The following IGF2R variants were observed in gnomAD, a reference collection of about 807,000 sequenced individuals.
IGF2R encodes cation-independent mannose-6-phosphate receptor.
A neutral mutation model predicts 270.6 loss-of-function variants in IGF2R; 91 were observed. The observed-to-expected ratio is 0.34, with a 90% CI of 0.28 to 0.40. The LOEUF is 0.40. Among genes scored for constraint, IGF2R ranks in the 10% least tolerant of loss-of-function variants. The probability of loss-of-function intolerance (pLI) is 1.00; values close to 1 mark genes in which losing one functional copy is unlikely to be tolerated. For synonymous variants in IGF2R, 1,316 were observed against 1,258.9 expected (o/e 1.05, Z -0.96); for missense variants, 2,805 against 3,188.3 (o/e 0.88, Z 2.90).
intron 38 of IGF2R, among the ~76,000 whole-genome samples, 163 bp from the exon 39 acceptor site, chr6:160,079,966 G>A (rs1027800308): frequency 3.9e-5 from 6 of 152,180 alleles, no homozygotes; most frequent in Admixed American, 1.3e-4. Flanking sequence ...TGTGAATCAC[G>A]CTGTGTTCTC....
In IGF2R at chr6:160,073,779, G is replaced by A. The variant is rs532391090; in HGVS notation, c.4970G>A (p.Gly1657Glu). 97 of 1,614,124 alleles carry A rather than the reference G, an allele frequency of 6.0e-5. No homozygotes were observed. The South Asian group carries it at 1.0e-3, about 17-fold the overall frequency. Residue 1657 changes from glycine to glutamate, a missense_variant, in exon 35 of 48, where the codon GGA becomes GAA. Gly to Glu is a moderately conservative substitution (Grantham distance 98, BLOSUM62 -2). This residue lies in a region of IGF2R where 1,851 missense variants were observed against 2,207.2 expected (regional missense o/e 0.84). Coordinates refer to ENST00000356956, the MANE Select transcript of IGF2R (RefSeq NM_000876.4). ...EQATECSVRN[G>E]SSIVDLSPLI... ...CAGACCGAATGTTCCGTGAGGAATG[G>A]AAGCTCTATTGTTGACTTGTCTCCC...
rs1779582389 is a variant in IGF2R at position 160,104,999 on chromosome 6, C to G, written c.7391C>G (p.Ser2464Cys). The G allele has an allele frequency of 6.2e-7, 1 of 1,613,778 alleles. No individual in the cohort carries two copies. The highest frequency in any genetic ancestry group is 1.7e-5 in the Admixed American group (1 of 59,994). Reference protein sequence around the residue: ...VRGEKARKGKSSSAQQKTVSS... With the variant: ...VRGEKARKGKCSSAQQKTVSS... Reference sequence around the variant, plus strand: ...GGTGAGAAGGCGAGGAAAGGGAAGTCCAGCTCTGCACAGCAGAAGACAGTG... The same window carrying G: ...GGTGAGAAGGCGAGGAAAGGGAAGTGCAGCTCTGCACAGCAGAAGACAGTG... Residue 2464 changes from serine to cysteine, a missense_variant, in exon 48 of 48, where the codon TCC becomes TGC. Ser to Cys is a moderately radical substitution (Grantham distance 112). Transcript: ENST00000356956.
intron 1 of IGF2R, among the ~76,000 whole-genome samples, chr6:159,987,017 T>C (rs1446407729): frequency 6.6e-6 from 1 of 152,242 alleles, no homozygotes; most frequent in Admixed American, 6.5e-5. Context: ...ATTTTATTGC[T>C]TCTGAAACCA....
intron 7 of IGF2R, among the ~76,000 whole-genome samples, chr6:160,030,628 T>C (rs577663711): frequency 6.7e-6 from 1 of 149,272 alleles, no homozygotes; most frequent in South Asian, 2.1e-4. Flanking sequence ...TTAAGCCCAG[T>C]GAGATGTTCT....
At chr6:159,969,916 G>A (rs1037724101) in intron 1 of IGF2R, among the ~76,000 whole-genome samples, 1 of 152,004 alleles carries the variant, frequency 6.6e-6, no homozygotes, top group Non-Finnish European at 1.5e-5. Flanking sequence ...ATTTCCCCCC[G>A]TGGGCTCATT....
intron 4 of IGF2R, among the ~76,000 whole-genome samples, chr6:160,021,138 A>C (rs1777423471): frequency 6.6e-6 from 1 of 152,200 alleles, no homozygotes; most frequent in African/African-American, 2.4e-5. Flanking sequence ...TGAGCAAAGG[A>C]CGTGAACAAA....
Position 159,983,334 on chromosome 6 carries a change from A to G in IGF2R, c.150-7850A>G, listed in dbSNP as rs575788557. Among the ~76,000 whole-genome samples the G allele has an allele frequency of 2.6e-5, 4 of 152,294 alleles. No individual in the cohort carries two copies. In the East Asian group the frequency reaches 7.7e-4, roughly 29 times the overall value. On this transcript the variant is annotated intron_variant, in intron 1 of 47. Coordinates refer to ENST00000356956, the MANE Select transcript of IGF2R (RefSeq NM_000876.4). The stretch of plus-strand genomic sequence containing the variant: ...TCTGTTACTTGTGTGCTTCCTTCTA[A>G]TTGGTAATCTGCCAACACCTTTCAG...
At chr6:160,066,388 C>T (rs2115267593) in intron 29 of IGF2R, among the ~76,000 whole-genome samples, 1 of 152,228 alleles carries the variant, frequency 6.6e-6, no homozygotes, top group South Asian at 2.1e-4. Flanking sequence ...GACTGCAGGT[C>T]ATCCTCCGTC....
chr6:160,065,564 C>T (rs1778552649), intron 29 of IGF2R, among the ~76,000 whole-genome samples: 1 of 151,794 alleles, frequency 6.6e-6, no homozygotes, highest in Non-Finnish European at 1.5e-5. Flanking sequence ...TTTTAGTAAC[C>T]TTACCTTTTC....
Position 160,069,698 on chromosome 6 carries a change from C to T in IGF2R, c.4253-170C>T, listed in dbSNP as rs8191872. On this transcript the variant is annotated intron_variant, in intron 30 of 47. Coordinates refer to ENST00000356956, the MANE Select transcript of IGF2R (RefSeq NM_000876.4). ...CAGCATGTAAGTGAGTGAGAACTAA[C>T]GTGATGTCATTGTCATCTGACTTAT... is the stretch of plus-strand genomic sequence containing the variant. 3.7e-3 allele frequency among the ~76,000 whole-genome samples: 565 copies of T among 152,326 alleles called. 6 individuals are homozygous for T. The highest frequency in any genetic ancestry group is 0.017 in the Middle Eastern group (5 of 294).
intron 1 of IGF2R, among the ~76,000 whole-genome samples, chr6:159,989,752 G>T (rs1336617534): frequency 1.3e-5 from 2 of 152,186 alleles, no homozygotes; most frequent in African/African-American, 4.8e-5. Context: ...ATTTTGCAAG[G>T]ACATTTTAAG....
chr6:160,004,363 C>A lies in IGF2R; in HGVS notation c.290-4647C>A, dbSNP rs901525747. ...ATGGGCTTGCTTGGGCTTGGAGGTG[C>A]GACCTGGTGGGCCTGCAGAATGCGA... On this transcript the variant is annotated intron_variant, in intron 2 of 47. Transcript: ENST00000356956. This position sits in a 1 kb window ranked among gnomAD's most constrained non-coding sequence, Gnocchi z 5.2. 6.6e-6 allele frequency: 1 copy of A among 152,406 alleles called. No individual in the cohort carries two copies. The highest frequency in any genetic ancestry group is 1.5e-5 in the Non-Finnish European group (1 of 68,248). The allele number at this position is 152,406 out of a possible 1,614,324, so 9.4% of individuals were successfully genotyped here.
At chr6:160,012,375 A>C (rs577545091) in intron 4 of IGF2R, among the ~76,000 whole-genome samples, 1 of 152,258 alleles carries the variant, frequency 6.6e-6, no homozygotes, top group East Asian at 1.9e-4. Flanking sequence ...ATTTATAAAG[A>C]AAAGAGGTAT....
intron 29 of IGF2R, among the ~76,000 whole-genome samples, chr6:160,065,510 A>G (rs569623462): frequency 1.3e-5 from 2 of 152,254 alleles, no homozygotes; most frequent in Non-Finnish European, 2.9e-5. Context: ...ACGTATGTAA[A>G]TGCAAGCATT....
chr6:160,063,206 T>C (rs1009745614), intron 26 of IGF2R, among the ~76,000 whole-genome samples: 1 of 151,888 alleles, frequency 6.6e-6, no homozygotes, highest in African/African-American at 2.4e-5. Flanking sequence ...GCCCAGCTAA[T>C]TTTTGTATTT....
rs565068137 is a variant in IGF2R, at chr6:160,072,639, A to G, written c.4571-126A>G. ...TGGCTGTTGGTGGAGGATTTAGGAC[A>G]GGGGTCGTGGTGAGAAGTCAGAAGT... is the stretch of plus-strand genomic sequence containing the variant. On this transcript the variant is annotated intron_variant, in intron 32 of 47. Coordinates refer to ENST00000356956, the MANE Select transcript of IGF2R (RefSeq NM_000876.4). 844 of 938,078 alleles carry G rather than the reference A, an allele frequency of 9.0e-4. 5 individuals carry two copies. The highest frequency in any genetic ancestry group is 1.0e-3 in the Non-Finnish European group (599 of 591,892). 58.1% of individuals were successfully genotyped at this position (938,078 alleles called of 1,614,324 possible).
At chr6:160,056,278 T>G in intron 19 of IGF2R, 146 bp from the exon 20 acceptor site, 1 of 637,830 alleles carries the variant, frequency 1.6e-6, no homozygotes, top group South Asian at 1.8e-5. Context: ...AATTAGGTAA[T>G]GCACATTAAG....
rs948823604 is a variant in IGF2R at position 160,050,424 on chromosome 6, C to T, written c.2515-49C>T. 1.7e-5 allele frequency: 26 copies of T among 1,543,564 alleles called. No individual in the cohort carries two copies. The highest frequency in any genetic ancestry group is 2.1e-5 in the Non-Finnish European group (24 of 1,130,470). On this transcript the variant is annotated intron_variant, in intron 18 of 47. Coordinates refer to ENST00000356956, the MANE Select transcript of IGF2R (RefSeq NM_000876.4). This position sits in a 1 kb window ranked among gnomAD's most constrained non-coding sequence, Gnocchi z 4.0. ...AATGTAACCACCACCAATAACGAAT[C>T]GACTGTATCTTCAGGGGGAAAAGCC...
chr6:160,055,918 C>T (rs1778306825), intron 19 of IGF2R, among the ~76,000 whole-genome samples: 1 of 152,090 alleles, frequency 6.6e-6, no homozygotes, highest in African/African-American at 2.4e-5. Context: ...GATAACGTGA[C>T]ACAGCTGGGT....
Sources: allele counts gnomAD v4.1 joint callset (sites outside exome capture counted in the v4.1 genomes callset), GRCh38; gene constraint gnomAD v4.1.1; regional missense constraint gnomAD v4.1.1; non-coding constraint Gnocchi (gnomAD v3.1); transcripts MANE v1.5; gene names NCBI Gene and HGNC (gene_info 2026-07-23, HGNC 2026-07-21).